Variants in MORF4L1 observed in about 807,000 individuals in gnomAD.
MORF4L1 encodes the protein mortality factor 4-like protein 1.
MORF4L1 carries 4 observed loss-of-function variants against 52.9 expected under a neutral mutation model. The observed-to-expected ratio is 0.08, with a 90% CI of 0.04 to 0.17. MORF4L1 has a LOEUF of 0.17. MORF4L1 is among the 10% of genes least tolerant of loss of function. The pLI is 1.00. For synonymous variants in MORF4L1, 123 were observed against 134.8 expected (o/e 0.91, Z 0.61); for missense variants, 214 against 390.4 (o/e 0.55, Z 3.81).
intron 3 of MORF4L1, among the ~76,000 whole-genome samples, chr15:78,885,387 G>A (rs1296823004): frequency 6.6e-6 from 1 of 152,182 alleles, no homozygotes; most frequent in African/African-American, 2.4e-5. Context: ...TTTTGAACAA[G>A]CTCTTTGAAG....
intron 11 of MORF4L1, among the ~76,000 whole-genome samples, chr15:78,895,377 C>G (rs775400634): frequency 6.6e-6 from 1 of 152,104 alleles, no homozygotes; most frequent in African/African-American, 2.4e-5. Flanking sequence ...AATGGCAGCA[C>G]AAAGGACCAT....
intron 1 of MORF4L1, among the ~76,000 whole-genome samples, chr15:78,875,323 C>G (rs959517656): frequency 6.6e-5 from 10 of 152,054 alleles, no homozygotes; most frequent in African/African-American, 2.2e-4. Context: ...TTCCTTGTGC[C>G]GTTTTAAGTG....
In MORF4L1 at chr15:78,894,281, C is replaced by G. The variant is rs749810579; in HGVS notation, c.802+51C>G. 12 of 1,436,006 alleles carry G rather than the reference C, an allele frequency of 8.4e-6. No homozygotes were observed. The African/African-American group carries it at 1.0e-4, about 12-fold the overall frequency. 89.0% of individuals were successfully genotyped at this position (1,436,006 alleles called of 1,614,324 possible). ...GATTTTACTTTTTGGGGGGTCTTCT[C>G]TAAATGAATAAGAGGTAAAGTAATT... On this transcript the variant is annotated intron_variant, in intron 10 of 11. Transcript: ENST00000426013.
intron 11 of MORF4L1, 107 bp downstream of exon 11, chr15:78,895,011 T>C (rs2056863168): frequency 3.4e-6 from 3 of 879,598 alleles, no homozygotes; most frequent in Non-Finnish European, 5.5e-6. Flanking sequence ...GGTACAGGCA[T>C]AGATAGTTGG....
At chr15:78,891,961 G>A (rs955293966) in intron 7 of MORF4L1, among the ~76,000 whole-genome samples, 1 of 152,108 alleles carries the variant, frequency 6.6e-6, no homozygotes, top group Non-Finnish European at 1.5e-5. Flanking sequence ...TGAACAAGAG[G>A]AACCTTACTG....
At chr15:78,888,847 A>T (rs907669255) in intron 5 of MORF4L1, among the ~76,000 whole-genome samples, 4 of 152,118 alleles carry the variant, frequency 2.6e-5, no homozygotes, top group African/African-American at 7.2e-5. Context: ...GTGTGTTACT[A>T]TTTGAGGATT....
At chr15:78,886,623 T>C (rs925148215) in intron 4 of MORF4L1, among the ~76,000 whole-genome samples, 2 of 152,040 alleles carry the variant, frequency 1.3e-5, no homozygotes, top group South Asian at 4.2e-4. Flanking sequence ...ACTCTATGAT[T>C]TATAGGGTAA....
At chr15:78,889,132 G>C (rs1475320920) in intron 5 of MORF4L1, among the ~76,000 whole-genome samples, 7 of 152,158 alleles carry the variant, frequency 4.6e-5, no homozygotes, top group Admixed American at 4.6e-4. Flanking sequence ...TAATGGCTGA[G>C]TAAATATATG....
intron 2 of MORF4L1, among the ~76,000 whole-genome samples, chr15:78,879,265 A>G (rs2056555750): frequency 6.8e-6 from 1 of 147,868 alleles, no homozygotes; most frequent in African/African-American, 2.6e-5. Flanking sequence ...TCTGTCGCCC[A>G]GGCTGGAGTG....
intron 10 of MORF4L1, 76 bp from the exon 11 acceptor site, chr15:78,894,744 C>T: frequency 1.8e-6 from 2 of 1,114,510 alleles, no homozygotes; most frequent in Non-Finnish European, 2.7e-6. Context: ...GTGGTGTTTG[C>T]TCACATAATT....
chr15:78,893,195 G>C (rs62013185), intron 8 of MORF4L1, among the ~76,000 whole-genome samples: 1 of 152,090 alleles, frequency 6.6e-6, no homozygotes, highest in African/African-American at 2.4e-5. Flanking sequence ...AGGCACATTC[G>C]TGTCTGTTAT....
At position 78,873,281 on chromosome 15, in the gene MORF4L1, A is replaced by C. The variant is rs561699356; in HGVS notation, c.40+224A>C. Reference sequence around the variant, plus strand: ...TGCTGCGCAGGCGTTAGAGTGGGAGAGAGAGCGTTTGGCGCGTGGCACACC... The same window carrying C: ...TGCTGCGCAGGCGTTAGAGTGGGAGCGAGAGCGTTTGGCGCGTGGCACACC... On this transcript the variant is annotated intron_variant, in intron 1 of 11. Transcript: ENST00000426013. 235 of 1,424,110 alleles carry C rather than the reference A, an allele frequency of 1.7e-4. 1 individual carries two copies. In the South Asian group the frequency reaches 3.0e-3, roughly 18 times the overall value. The allele number at this position is 1,424,110 out of a possible 1,614,324, so 88.2% of individuals were successfully genotyped here.
At chr15:78,874,859 G>A (rs1328893244) in intron 1 of MORF4L1, among the ~76,000 whole-genome samples, 1 of 146,822 alleles carries the variant, frequency 6.8e-6, no homozygotes, top group African/African-American at 2.5e-5. Flanking sequence ...TTGAGACGGT[G>A]CGTGAAATTG....
chr15:78,883,193 C>T (rs184012366), intron 3 of MORF4L1, among the ~76,000 whole-genome samples: 3 of 133,674 alleles, frequency 2.2e-5, no homozygotes, highest in Non-Finnish European at 4.7e-5. Flanking sequence ...CTAGCCTAGG[C>T]GACAGAGTGA....
At chr15:78,886,096 G>A in intron 3 of MORF4L1, 45 bp from the exon 4 acceptor site, 1 of 1,455,758 alleles carries the variant, frequency 6.9e-7, no homozygotes, top group Non-Finnish European at 9.6e-7. Context: ...ATTAGTTGGA[G>A]AACAGAGTAT....
intron 3 of MORF4L1, among the ~76,000 whole-genome samples, chr15:78,884,661 AC>A (rs1567307652): frequency 0.074 from 2,501 of 33,728 alleles, 127 homozygotes; most frequent in African/African-American, 0.2. Context: ...AAAAAAAAAT[AC>A]ACACACACAC....
At position 78,894,243 on chromosome 15, in the gene MORF4L1, G is replaced by A. The variant is rs1391328976; in HGVS notation, c.802+13G>A. On this transcript the variant is annotated intron_variant, in intron 10 of 11. Coordinates refer to ENST00000426013, the MANE Select transcript of MORF4L1 (RefSeq NM_006791.4). ...CTGAGATTATTTGGTAATATGTCAT[G>A]TAGAAAATAATGGATTTTACTTTTT... is the stretch of plus-strand genomic sequence containing the variant. The A allele has an allele frequency of 6.3e-7, 1 of 1,585,400 alleles. No individual in the cohort carries two copies. Among genetic ancestry groups the A allele is most frequent in the Non-Finnish European group, 8.6e-7 (1 of 1,167,460 alleles).
chr15:78,876,335 A>G (rs568246668), intron 1 of MORF4L1, among the ~76,000 whole-genome samples: 6 of 151,402 alleles, frequency 4.0e-5, no homozygotes, highest in African/African-American at 1.5e-4. Flanking sequence ...GGCGTGCAAT[A>G]TATGTTGTAT....
At chr15:78,875,102 A>G (rs2056460510) in intron 1 of MORF4L1, among the ~76,000 whole-genome samples, 1 of 152,178 alleles carries the variant, frequency 6.6e-6, no homozygotes, top group Non-Finnish European at 1.5e-5. Flanking sequence ...AGAACGTGAC[A>G]TTTAAAGTGT....
Sources: gnomAD v4.1 joint callset for allele counts (sites outside exome capture counted in the v4.1 genomes callset) on GRCh38, gnomAD v4.1.1 for gene constraint, MANE v1.5 for transcripts, NCBI Gene and HGNC (gene_info 2026-07-23, HGNC 2026-07-21) for gene names.